LHPP: variants seen among roughly 807,000 people sequenced by gnomAD.
LHPP encodes the protein phospholysine phosphohistidine inorganic pyrophosphate phosphatase.
In LHPP, 24 loss-of-function variants were observed where a neutral mutation model predicts 30.3. The observed-to-expected ratio is 0.79, with a 90% CI of 0.57 to 1.11. The LOEUF is 1.11. LHPP is among the 50% of genes most tolerant of loss of function. The probability of loss-of-function intolerance (pLI) is 0.00; values close to 1 mark genes in which losing one functional copy is unlikely to be tolerated. For missense variants in LHPP, 356 were observed against 367.2 expected, an observed-to-expected ratio of 0.97 and a Z score of 0.25; for synonymous variants, 150 against 157.1, an observed-to-expected ratio of 0.95 and a Z score of 0.34.
rs535684824 is a variant in LHPP at position 124,484,254 on chromosome 10, A to G, written c.241A>G (p.Thr81Ala). The change falls in exon 2 of 7, where the codon ACC becomes GCC. Residue 81 changes from threonine to alanine, a missense_variant. Physicochemically the swap from Thr to Ala is moderately conservative, Grantham distance 58 (BLOSUM62 0). Transcript: ENST00000368842. ...ATTTGACATCTCTGAGCAGGAGGTGACCGCCCCGGCACCAGCTGCCTGCCA... is the reference window on the plus strand; with the variant it reads ...ATTTGACATCTCTGAGCAGGAGGTGGCCGCCCCGGCACCAGCTGCCTGCCA... ...LGFDISEQEV[T>A]APAPAACQIL... is the part of the protein sequence containing the mutation. The G allele has an allele frequency of 1.2e-6, 2 of 1,613,912 alleles. No individual in the cohort carries two copies. The highest frequency in any genetic ancestry group is 4.5e-5 in the East Asian group (2 of 44,878).
rs1202102257 is a variant in LHPP, at chr10:124,613,550, C to G, written c.*190C>G. ...ACCAAGGCCCTGACAGCCCTGCCTT[C>G]TGCCCTCTGCCCTGCATGGGCAGGC... On this transcript the variant is annotated 3_prime_UTR_variant, in exon 7 of 7. Coordinates refer to ENST00000368842, the MANE Select transcript of LHPP (RefSeq NM_022126.4). The G allele has an allele frequency of 1.8e-5, 11 of 611,064 alleles. No homozygotes were observed. The South Asian group carries it at 2.1e-4, about 11-fold the overall frequency. 37.9% of individuals were successfully genotyped at this position (611,064 alleles called of 1,614,324 possible). A position where few individuals can be genotyped will look rare whatever the true frequency, so the allele number is the denominator to read the frequency against.
chr10:124,591,288 G>T (rs1948880042), intron 6 of LHPP, among the ~76,000 whole-genome samples: 1 of 152,200 alleles, frequency 6.6e-6, no homozygotes, highest in Non-Finnish European at 1.5e-5. Flanking sequence ...CCCTGAAGGT[G>T]GGGCAGAGCT....
chr10:124,603,732 G>A (rs895067595), intron 6 of LHPP, among the ~76,000 whole-genome samples: 1 of 152,216 alleles, frequency 6.6e-6, no homozygotes, highest in African/African-American at 2.4e-5. Context: ...CACCCTTCGT[G>A]CCAGGACCCA....
chr10:124,536,824 T>A (rs372310058), intron 6 of LHPP, among the ~76,000 whole-genome samples: 2 of 152,058 alleles, frequency 1.3e-5, no homozygotes, highest in Non-Finnish European at 2.9e-5. Context: ...TCGGGGAGGA[T>A]TGGCTAGAAC....
chr10:124,487,170 A>G (rs1953355471), intron 2 of LHPP, among the ~76,000 whole-genome samples: 1 of 152,226 alleles, frequency 6.6e-6, no homozygotes. Context: ...GTTTCAGTCT[A>G]TTATGAGCAA....
intron 6 of LHPP, among the ~76,000 whole-genome samples, chr10:124,579,083 T>G (rs1948711419): frequency 6.6e-6 from 1 of 152,218 alleles, no homozygotes; most frequent in Non-Finnish European, 1.5e-5. Context: ...AGGCAGGTCT[T>G]CCCGGTTACC....
chr10:124,601,653 G>A (rs1000688781), intron 6 of LHPP, among the ~76,000 whole-genome samples: 1 of 152,234 alleles, frequency 6.6e-6, no homozygotes, highest in Non-Finnish European at 1.5e-5. Flanking sequence ...CCATGGTGTC[G>A]GTTCTGGTTG....
chr10:124,558,465 A>C (rs1428686399), intron 6 of LHPP, among the ~76,000 whole-genome samples: 1 of 152,212 alleles, frequency 6.6e-6, no homozygotes, highest in Non-Finnish European at 1.5e-5. Flanking sequence ...TGGCCCTCTG[A>C]GCTGCTCTGT....
intron 5 of LHPP, among the ~76,000 whole-genome samples, chr10:124,508,159 G>A (rs906332161): frequency 2.0e-5 from 3 of 152,038 alleles, no homozygotes; most frequent in East Asian, 1.9e-4. Context: ...CCACATGGGG[G>A]CCACTCCGGC....
intron 6 of LHPP, among the ~76,000 whole-genome samples, chr10:124,564,124 AATTT>A (rs1948449398): frequency 6.7e-6 from 1 of 150,234 alleles, no homozygotes; most frequent in Admixed American, 6.6e-5. Flanking sequence ...TTTAAAAAAA[AATTT>A]TTTTTTTTTT....
intron 1 of LHPP, among the ~76,000 whole-genome samples, chr10:124,467,083 T>G (rs908201980): frequency 4.6e-5 from 7 of 151,666 alleles, no homozygotes; most frequent in African/African-American, 1.7e-4. Flanking sequence ...ATGAATGTGC[T>G]ACTGCACTCC....
intron 5 of LHPP, among the ~76,000 whole-genome samples, chr10:124,499,865 T>A (rs1953849543): frequency 6.6e-6 from 1 of 151,910 alleles, no homozygotes; most frequent in Admixed American, 6.5e-5. Context: ...ACACTGCACC[T>A]GCACCTGCCC....
chr10:124,566,058 A>G (rs73369441), intron 6 of LHPP, among the ~76,000 whole-genome samples: 7,414 of 152,240 alleles, frequency 0.049, 551 homozygotes, highest in African/African-American at 0.17. Flanking sequence ...CTGCCTGGCA[A>G]TGTTTGTTGT....
rs570757290 is a variant in LHPP at position 124,596,714 on chromosome 10, G to A, written c.717-16550G>A. Among the ~76,000 whole-genome samples, 40 of 152,322 alleles carry A rather than the reference G, an allele frequency of 2.6e-4. No individual in the cohort carries two copies. The highest frequency in any genetic ancestry group is 7.9e-4 in the African/African-American group (33 of 41,570). On this transcript the variant is annotated intron_variant, in intron 6 of 6. Coordinates refer to ENST00000368842, the MANE Select transcript of LHPP (RefSeq NM_022126.4). The surrounding 1 kb of genome is among the most constrained non-coding windows in gnomAD (Gnocchi z 4.6). ...TGAAGCTGGGTGGACGGGTGGGGAG[G>A]CCCGACTTTAAGGGACCTGCTTCCT...
Position 124,576,427 on chromosome 10 carries a change from G to A in LHPP, c.717-36837G>A, listed in dbSNP as rs11245301. ...ATCCCACCCCCAGACTCCTTTCCAT[G>A]AGCTGCTCCCAGACCCCCTCATATC... On this transcript the variant is annotated intron_variant, in intron 6 of 6. Transcript: ENST00000368842. The surrounding 1 kb of genome is among the most constrained non-coding windows in gnomAD (Gnocchi z 4.2). Among the ~76,000 whole-genome samples the A allele has an allele frequency of 0.37, 52,096 of 142,536 alleles. 10,024 individuals are homozygous for A. Among genetic ancestry groups the A allele is most frequent in the African/African-American group, 0.49 (18,220 of 37,356 alleles). The allele number at this position is 142,536 out of a possible 152,430, so 93.5% of individuals were successfully genotyped here.
At chr10:124,513,270 G>C (rs1485488040) in intron 5 of LHPP, among the ~76,000 whole-genome samples, 2 of 151,882 alleles carry the variant, frequency 1.3e-5, no homozygotes, top group Non-Finnish European at 2.9e-5. Context: ...ATGTTGCCCA[G>C]GCTGGTCTGG....
chr10:124,567,869 T>C (rs1589871313), intron 6 of LHPP, among the ~76,000 whole-genome samples: 1 of 152,252 alleles, frequency 6.6e-6, no homozygotes, highest in Admixed American at 6.5e-5. Flanking sequence ...TGTGATCTGC[T>C]CTAATGCATG....
chr10:124,534,351 T>C (rs1336257240), intron 6 of LHPP, among the ~76,000 whole-genome samples: 2 of 152,334 alleles, frequency 1.3e-5, no homozygotes, highest in African/African-American at 4.8e-5. Context: ...TTTGTTTTGT[T>C]AGTCTCCTGT....
Position 124,488,570 on chromosome 10 carries a change from A to G in LHPP, c.462A>G (p.Gly154=). Residue 154 remains glycine (G), a synonymous_variant, in exon 3 of 7, where the codon GGA becomes GGG. Transcript: ENST00000368842. ...AAAAACCTGTGCTCATATCACTGGG[A>G]AAAGGGTAAGTTGGCTCCAGGGAGA... The part of the protein sequence containing the change: ...ELEKPVLISL[G]KGRYYKETSG... The G allele has an allele frequency of 6.2e-7, 1 of 1,609,270 alleles. No homozygotes were observed. Among genetic ancestry groups the G allele is most frequent in the Admixed American group, 1.7e-5 (1 of 58,704 alleles).
Sources: allele counts gnomAD v4.1 joint callset (sites outside exome capture counted in the v4.1 genomes callset), GRCh38; gene constraint gnomAD v4.1.1; non-coding constraint Gnocchi (gnomAD v3.1); transcripts MANE v1.5; gene names NCBI Gene and HGNC (gene_info 2026-07-23, HGNC 2026-07-21).